NUP205: variants seen among roughly 807,000 people sequenced by gnomAD.
The protein encoded by NUP205 is nucleoporin 205.
A neutral mutation model predicts 253.8 loss-of-function variants in NUP205; 76 were observed. The observed-to-expected ratio is 0.30, with a 90% CI of 0.25 to 0.36. The LOEUF is 0.36. Ranked by LOEUF, NUP205 falls within the 10% of genes least tolerant of loss-of-function variation. NUP205 has a pLI of 1.00. For synonymous variants in NUP205, 832 were observed against 850.1 expected, an observed-to-expected ratio of 0.98 and a Z score of 0.37; for missense variants, 2,162 against 2,425.5, an observed-to-expected ratio of 0.89 and a Z score of 2.28.
At chr7:135,629,511 G>C (rs151280883) in intron 34 of NUP205, among the ~76,000 whole-genome samples, 1,135 of 67,790 alleles carry the variant, frequency 0.017, no homozygotes, top group Non-Finnish European at 0.023. Context: ...CTCTCTCTCT[G>C]TCTCTCTCTC....
intron 19 of NUP205, among the ~76,000 whole-genome samples, chr7:135,605,089 T>C (rs1018758583): frequency 2.0e-5 from 3 of 152,066 alleles, no homozygotes; most frequent in Admixed American, 2.0e-4. Flanking sequence ...AGGAACTCGC[T>C]CTATCACCCA....
At chr7:135,634,094 A>T (rs1268718481) in intron 35 of NUP205, among the ~76,000 whole-genome samples, 3 of 152,030 alleles carry the variant, frequency 2.0e-5, no homozygotes, top group Admixed American at 6.6e-5. Flanking sequence ...AGATATATAT[A>T]TTTTTTAATT....
At chr7:135,629,889 A>T (rs1794675202) in intron 34 of NUP205, among the ~76,000 whole-genome samples, 1 of 152,084 alleles carries the variant, frequency 6.6e-6, no homozygotes, top group African/African-American at 2.4e-5. Flanking sequence ...CTTTTATGTG[A>T]TTTCCCCATG....
chr7:135,562,984 C>T (rs1436462800), intron 1 of NUP205, among the ~76,000 whole-genome samples: 3 of 152,076 alleles, frequency 2.0e-5, no homozygotes, highest in Non-Finnish European at 4.4e-5. Context: ...AGGTTGTCCT[C>T]TCCCTGGAAT....
intron 1 of NUP205, among the ~76,000 whole-genome samples, chr7:135,567,128 G>GTATATATA (rs1163648935): frequency 2.1e-3 from 15 of 7,214 alleles, no homozygotes; most frequent in African/African-American, 5.9e-3. Context: ...GTCTATGTGT[G>GTATATATA]TATATATATA....
Position 135,577,964 on chromosome 7 carries a change from A to G in NUP205, c.817A>G (p.Met273Val). ...SLDAVNLALL[M>V]ALLYCFDISF... ...GGATGCAGTGAATCTGGCTCTTCTT[A>G]TGGCGCTTCTATACTGTTTTGATAT... is the stretch of plus-strand genomic sequence containing the variant. Residue 273 changes from methionine to valine, a missense_variant, in exon 6 of 43, where the codon ATG becomes GTG. Met to Val is a conservative substitution (Grantham distance 21). Coordinates refer to ENST00000285968, the MANE Select transcript of NUP205 (RefSeq NM_015135.3). The G allele has an allele frequency of 6.2e-7, 1 of 1,614,100 alleles. No homozygotes were observed. The highest frequency in any genetic ancestry group is 8.5e-7 in the Non-Finnish European group (1 of 1,180,006).
At chr7:135,627,932 T>G in intron 33 of NUP205, 41 bp from the exon 34 acceptor site, 8 of 1,608,686 alleles carry the variant, frequency 5.0e-6, no homozygotes, top group Non-Finnish European at 6.8e-6. Flanking sequence ...AGAGTATACC[T>G]TAATTCTTGG....
At position 135,594,309 on chromosome 7, in the gene NUP205, G is replaced by A. The variant is rs77992126; in HGVS notation, c.1831-238G>A. On this transcript the variant is annotated intron_variant, in intron 12 of 42. Coordinates refer to ENST00000285968, the MANE Select transcript of NUP205 (RefSeq NM_015135.3). ...TCTGTTTGTATTATTTCTCATACTT[G>A]GAACTGCAAAAGTAATTCTACAAAG... 3.1e-3 allele frequency among the ~76,000 whole-genome samples: 472 copies of A among 152,020 alleles called. 11 individuals carry two copies. In the East Asian group the frequency reaches 0.055, roughly 18 times the overall value.
rs768686271 is a variant in NUP205, at chr7:135,600,985, C to G, written c.2374+16C>G. 7 of 1,363,364 alleles carry G rather than the reference C, an allele frequency of 5.1e-6. No individual in the cohort carries two copies. The African/African-American group carries it at 1.0e-4, about 19-fold the overall frequency. 84.5% of individuals were successfully genotyped at this position (1,363,364 alleles called of 1,614,324 possible). ...GAACTACAAGGTAATTTAATTCTGT[C>G]ACTTTCAAACAAGTTGTCAACTATT... On this transcript the variant is annotated intron_variant, in intron 16 of 42. Coordinates refer to ENST00000285968, the MANE Select transcript of NUP205 (RefSeq NM_015135.3).
chr7:135,643,322 A>G lies in NUP205; in HGVS notation c.5523A>G (p.Gln1841=). ...ATCGACAGAGTGTCAGCAAGCTACA[A>G]AATGTAGAGCAGCTTCCCCCAGATG... The part of the protein sequence containing the change: ...DSHRQSVSKL[Q]NVEQLPPDEI... The change falls in exon 39 of 43, where the codon CAA becomes CAG. Residue 1841 remains glutamine, a synonymous_variant. Transcript: ENST00000285968. 1 of 1,614,108 alleles carries G rather than the reference A, an allele frequency of 6.2e-7. No individual in the cohort carries two copies. Among genetic ancestry groups the G allele is most frequent in the Non-Finnish European group, 8.5e-7 (1 of 1,179,986 alleles).
At chr7:135,561,364 C>A (rs974080783) in intron 1 of NUP205, among the ~76,000 whole-genome samples, 8 of 152,070 alleles carry the variant, frequency 5.3e-5, no homozygotes, top group Admixed American at 3.9e-4. Context: ...AAACAAAAAA[C>A]AAACAAAAAA....
At chr7:135,606,646 G>A (rs1794091584) in intron 20 of NUP205, 105 bp from the exon 21 acceptor site, 2 of 811,940 alleles carry the variant, frequency 2.5e-6, no homozygotes, top group South Asian at 1.7e-5. Context: ...TCAGGCAAAC[G>A]ATCTAAAGAA....
chr7:135,645,007 C>A lies in NUP205; in HGVS notation c.5672C>A (p.Ser1891Tyr). 2.5e-6 allele frequency: 4 copies of A among 1,614,052 alleles called. 1 individual carries two copies. The South Asian group carries it at 3.3e-5, about 13-fold the overall frequency. ...KVINNRAKLL[S>Y]LCSFIIETCL... ...ATCAACAATCGAGCTAAACTGCTTTCCCTTTGTTCTTGTATCCTTTATGAA... is the reference window on the plus strand; with the variant it reads ...ATCAACAATCGAGCTAAACTGCTTTACCTTTGTTCTTGTATCCTTTATGAA... The change falls in exon 40 of 43, where the codon TCC becomes TAC. Residue 1891 changes from serine to tyrosine, a missense_variant. Ser to Tyr is a moderately radical substitution (Grantham distance 144). Around this residue, in one of 5 missense-constraint regions of NUP205, gnomAD observed 1,144 missense variants for 1,280.9 expected, o/e 0.89. Coordinates refer to ENST00000285968, the MANE Select transcript of NUP205 (RefSeq NM_015135.3).
At chr7:135,566,520 T>C (rs78402796) in intron 1 of NUP205, among the ~76,000 whole-genome samples, 3,807 of 152,250 alleles carry the variant, frequency 0.025, 80 homozygotes, top group South Asian at 0.077. Flanking sequence ...AGTGTGGGAC[T>C]AAAGCAGGAG....
At chr7:135,645,722 T>C (rs1253979375) in intron 41 of NUP205, 126 bp downstream of exon 41, 1 of 869,784 alleles carries the variant, frequency 1.1e-6, no homozygotes, top group East Asian at 2.5e-5. Flanking sequence ...AAGAGCTGTT[T>C]AGTCACTAGA....
Position 135,576,274 on chromosome 7 carries a change from G to A in NUP205, c.348G>A (p.Glu116=), listed in dbSNP as rs1379229431. ...LAAVELLLAG[E]HQQPHFPGLT... is the part of the protein sequence containing the mutation. Reference sequence around the variant, plus strand: ...TTTCTCAACTTCCTTTTTTAGGAGAGCATCAACAGCCACATTTTCCTGGCC... The same window carrying A: ...TTTCTCAACTTCCTTTTTTAGGAGAACATCAACAGCCACATTTTCCTGGCC... Residue 116 remains glutamate (E), a synonymous_variant, in exon 4 of 43, where the codon GAG becomes GAA. Transcript: ENST00000285968. 2.5e-6 allele frequency: 4 copies of A among 1,612,066 alleles called. No homozygotes were observed. Among genetic ancestry groups the A allele is most frequent in the Non-Finnish European group, 2.5e-6 (3 of 1,179,126 alleles).
chr7:135,586,013 A>G (rs1323347771), intron 8 of NUP205, among the ~76,000 whole-genome samples: 1 of 152,164 alleles, frequency 6.6e-6, no homozygotes, highest in East Asian at 1.9e-4. Context: ...TCCTTATAGT[A>G]TATGCTCTGT....
chr7:135,602,294 G>A (rs955116377), intron 17 of NUP205, among the ~76,000 whole-genome samples: 5 of 152,276 alleles, frequency 3.3e-5, no homozygotes, highest in East Asian at 3.9e-4. Context: ...TATTTTCTGC[G>A]TTATTTTCCA....
chr7:135,608,759 C>T (rs553570591), intron 22 of NUP205, among the ~76,000 whole-genome samples: 20 of 151,964 alleles, frequency 1.3e-4, no homozygotes, highest in Admixed American at 7.2e-4. Context: ...TTTATAATTT[C>T]GCTTGTTCAC....
Sources: gnomAD v4.1 joint callset for allele counts (sites outside exome capture counted in the v4.1 genomes callset) on GRCh38, gnomAD v4.1.1 for gene constraint, gnomAD v4.1.1 regional missense constraint, MANE v1.5 for transcripts, NCBI Gene and HGNC (gene_info 2026-07-23, HGNC 2026-07-21) for gene names.